The following GRID1 variants were observed in gnomAD, a reference collection of about 807,000 sequenced individuals.
GRID1 encodes the protein glutamate receptor ionotropic, delta-1.
In GRID1, 28 loss-of-function variants were observed where a neutral mutation model predicts 98.0. The observed-to-expected ratio is 0.29, with a 90% CI of 0.21 to 0.39. The LOEUF (loss-of-function observed/expected upper bound fraction) is 0.39. GRID1 is among the 10% of genes least tolerant of loss of function. The pLI is 1.00. For missense variants in GRID1, 1,111 were observed against 1,340.5 expected (o/e 0.83, Z 2.67); for synonymous variants, 553 against 538.5 (o/e 1.03, Z -0.37).
intron 6 of GRID1, among the ~76,000 whole-genome samples, chr10:85,862,872 A>G (rs1843177486): frequency 6.6e-6 from 1 of 152,232 alleles, no homozygotes; most frequent in African/African-American, 2.4e-5. Flanking sequence ...ACCAAGACCC[A>G]GAGGGAGGAA....
chr10:85,974,386 A>C (rs1842446082), intron 4 of GRID1, among the ~76,000 whole-genome samples: 1 of 152,210 alleles, frequency 6.6e-6, no homozygotes, highest in Admixed American at 6.5e-5. Context: ...TAATGTCTGA[A>C]AACCACTTGG....
intron 4 of GRID1, among the ~76,000 whole-genome samples, chr10:85,934,175 T>C (rs766940276): frequency 6.6e-6 from 1 of 151,982 alleles, no homozygotes; most frequent in East Asian, 1.9e-4. Flanking sequence ...ACGGGAGAAG[T>C]GAGAGCAAGC....
intron 12 of GRID1, among the ~76,000 whole-genome samples, chr10:85,722,362 C>T (rs1291115282): frequency 6.6e-6 from 1 of 152,186 alleles, no homozygotes; most frequent in African/African-American, 2.4e-5. Flanking sequence ...ACCACACATC[C>T]AACCAAATTC....
intron 4 of GRID1, among the ~76,000 whole-genome samples, chr10:85,989,802 C>G (rs547040229): frequency 6.6e-6 from 1 of 152,310 alleles, no homozygotes; most frequent in East Asian, 1.9e-4. Flanking sequence ...TAGGATCTGA[C>G]AGTTTATATC....
chr10:86,054,932 T>A (rs1454251418), intron 4 of GRID1, among the ~76,000 whole-genome samples: 1 of 152,204 alleles, frequency 6.6e-6, no homozygotes, highest in Non-Finnish European at 1.5e-5. Context: ...ACGTGCCACT[T>A]CTGAGCCTAG....
intron 4 of GRID1, among the ~76,000 whole-genome samples, chr10:86,006,009 T>A (rs986709843): frequency 1.3e-5 from 2 of 152,226 alleles, no homozygotes; most frequent in African/African-American, 4.8e-5. Flanking sequence ...TTCTAAAATT[T>A]ACATGGAAGA....
chr10:86,008,594 A>T (rs1206239720), intron 4 of GRID1, among the ~76,000 whole-genome samples: 2 of 152,228 alleles, frequency 1.3e-5, no homozygotes, highest in African/African-American at 4.8e-5. Flanking sequence ...GAGCAAAGAC[A>T]CAAATGGTCT....
chr10:86,249,930 G>A, intron 2 of GRID1, among the ~76,000 whole-genome samples: 1 of 152,110 alleles, frequency 6.6e-6, no homozygotes, highest in East Asian at 1.9e-4. Flanking sequence ...GAATGGGTGG[G>A]TAGATGGATG....
chr10:86,010,992 T>C (rs1842918680), intron 4 of GRID1, among the ~76,000 whole-genome samples: 1 of 152,110 alleles, frequency 6.6e-6, no homozygotes, highest in Non-Finnish European at 1.5e-5. Context: ...GAGTTTGGGA[T>C]AGGGATCTTT....
rs1169196001 is a variant in GRID1, at chr10:86,366,364, G to A, written c.29C>T (p.Pro10Leu). The change falls in exon 1 of 16, where the codon CCC becomes CTC. Residue 10 changes from proline to leucine, a missense_variant. Pro to Leu is a moderately conservative substitution (Grantham distance 98). Coordinates refer to ENST00000327946, the MANE Select transcript of GRID1 (RefSeq NM_017551.3). This position sits in a 1 kb window ranked among gnomAD's most constrained non-coding sequence, Gnocchi z 4.1. ...CACCGACACGCACTGGCATATCCAGGGGAGAAGCCACAGCGTCAGCGCTTC... is the reference window on the plus strand; with the variant it reads ...CACCGACACGCACTGGCATATCCAGAGGAGAAGCCACAGCGTCAGCGCTTC... Reference protein sequence around the residue: MEALTLWLLPWICQCVSVRA... With the variant: MEALTLWLLLWICQCVSVRA... The A allele has an allele frequency of 2.0e-6, 3 of 1,521,406 alleles. No individual in the cohort carries two copies. The highest frequency in any genetic ancestry group is 1.2e-5 in the South Asian group (1 of 82,024). The allele number at this position is 1,521,406 out of a possible 1,614,324, so 94.2% of individuals were successfully genotyped here.
chr10:85,695,902 T>C (rs1370191208), intron 12 of GRID1, among the ~76,000 whole-genome samples: 1 of 152,124 alleles, frequency 6.6e-6, no homozygotes, highest in Non-Finnish European at 1.5e-5. Flanking sequence ...TTCCTAGCTA[T>C]TATGGACACA....
chr10:85,877,252 G>C (rs1271434470), intron 5 of GRID1, among the ~76,000 whole-genome samples: 1 of 152,222 alleles, frequency 6.6e-6, no homozygotes, highest in Non-Finnish European at 1.5e-5. Flanking sequence ...TTTGAAGAGA[G>C]CAGTGGTTCT....
At position 85,914,094 on chromosome 10, in the gene GRID1, A is replaced by C. The variant is rs74148835; in HGVS notation, c.780+2092T>G. ...CTAAACCCTGGGTTCCAGCTGCCCC[A>C]GTAATGCCAATGTGCCTACCAGTAT... On this transcript the variant is annotated intron_variant, in intron 5 of 15. Coordinates refer to ENST00000327946, the MANE Select transcript of GRID1 (RefSeq NM_017551.3). 1.7e-3 allele frequency among the ~76,000 whole-genome samples: 264 copies of C among 152,270 alleles called. 1 individual carries two copies. Among genetic ancestry groups the C allele is most frequent in the African/African-American group, 5.8e-3 (240 of 41,556 alleles).
chr10:86,163,403 C>T (rs559284905), intron 3 of GRID1, among the ~76,000 whole-genome samples: 1 of 141,648 alleles, frequency 7.1e-6, no homozygotes, highest in African/African-American at 2.7e-5. Flanking sequence ...TGTTTTGACG[C>T]ATTTCTTTTT....
At chr10:85,837,421 T>C (rs570607383) in intron 8 of GRID1, among the ~76,000 whole-genome samples, 2 of 152,176 alleles carry the variant, frequency 1.3e-5, no homozygotes, top group African/African-American at 4.8e-5. Context: ...CTGTTGCAGC[T>C]GTCGCACCTT....
intron 8 of GRID1, among the ~76,000 whole-genome samples, chr10:85,784,404 A>G (rs1377258143): frequency 6.6e-6 from 1 of 152,162 alleles, no homozygotes; most frequent in Admixed American, 6.5e-5. Flanking sequence ...ACAGAGGACA[A>G]TGGGTCAAGG....
At chr10:86,250,878 C>T (rs1298337612) in intron 2 of GRID1, among the ~76,000 whole-genome samples, 2 of 152,110 alleles carry the variant, frequency 1.3e-5, no homozygotes, top group African/African-American at 2.4e-5. Context: ...GCCATGATGA[C>T]AAAGGAGGTT....
intron 8 of GRID1, among the ~76,000 whole-genome samples, chr10:85,769,714 G>A (rs1300975862): frequency 2.6e-5 from 4 of 152,306 alleles, no homozygotes; most frequent in Admixed American, 1.3e-4. Context: ...ACGGAGTCTC[G>A]CTGATTGCTA....
chr10:86,337,904 C>CG (rs975189005), intron 2 of GRID1, among the ~76,000 whole-genome samples: 2 of 151,936 alleles, frequency 1.3e-5, no homozygotes, highest in African/African-American at 4.8e-5. Context: ...GACAGGGTTT[C>CG]GCCATGTTGG....
Sources: allele counts gnomAD v4.1 joint callset (sites outside exome capture counted in the v4.1 genomes callset), GRCh38; gene constraint gnomAD v4.1.1; non-coding constraint Gnocchi (gnomAD v3.1); transcripts MANE v1.5; gene names NCBI Gene and HGNC (gene_info 2026-07-23, HGNC 2026-07-21).